Variants in BLVRA observed in about 807,000 individuals in gnomAD.
BLVRA encodes the protein BVR A.
Under a neutral mutation model 32.8 loss-of-function variants are expected in BLVRA, and 22 were observed. That is an observed-to-expected ratio of 0.67 (90% CI 0.48 to 0.96). BLVRA has a LOEUF of 0.96. BLVRA is among the 40% of genes least tolerant of loss of function. BLVRA has a pLI of 0.00. For synonymous variants in BLVRA, 119 were observed against 141.3 expected, an observed-to-expected ratio of 0.84 and a Z score of 1.12; for missense variants, 323 against 358.1, an observed-to-expected ratio of 0.90 and a Z score of 0.79.
chr7:43,800,293 C>T, intron 5 of BLVRA, 172 bp from the exon 6 acceptor site: 3 of 650,596 alleles, frequency 4.6e-6, no homozygotes, highest in Non-Finnish European at 8.4e-6. Flanking sequence ...TTAGAAGTAG[C>T]AGCCTCTTCA....
chr7:43,794,959 C>T (rs1482303413), intron 5 of BLVRA, among the ~76,000 whole-genome samples: 1 of 152,116 alleles, frequency 6.6e-6, no homozygotes, highest in Admixed American at 6.6e-5. Context: ...GCCTGTCATC[C>T]CAGCACTTTG....
In BLVRA at chr7:43,791,269, A is replaced by G. The variant is rs1425746500; in HGVS notation, c.155A>G (p.Asp52Gly). The change falls in exon 4 of 8, where the codon GAT becomes GGT. Residue 52 changes from aspartate to glycine, a missense_variant. Asp to Gly is a moderately conservative substitution (Grantham distance 94). Coordinates refer to ENST00000265523, the MANE Select transcript of BLVRA (RefSeq NM_000712.4). ...AATAGAAGGGAGCTCGGGAGCATTG[A>G]TGGAGTCCAGCAGATTTCTTTGGAG... Reference protein sequence around the residue: ...FVSRRELGSIDGVQQISLEDA... With the variant: ...FVSRRELGSIGGVQQISLEDA... 6.2e-7 allele frequency: 1 copy of G among 1,614,050 alleles called. No individual in the cohort carries two copies. The highest frequency in any genetic ancestry group is 1.3e-5 in the African/African-American group (1 of 74,926).
In BLVRA at chr7:43,767,475, A is replaced by G. The variant is rs2095749496; in HGVS notation, c.-21-3663A>G. ...TCTGGAGGCGCCCTTGGGATATCCA[A>G]TAAGGACAGCTGTTTTTATGCTGCT... On this transcript the variant is annotated intron_variant, in intron 1 of 7. Transcript: ENST00000265523. 7 of 1,384,184 alleles carry G rather than the reference A, an allele frequency of 5.1e-6. No homozygotes were observed. The East Asian group carries it at 9.2e-5, about 18-fold the overall frequency. 85.7% of individuals were successfully genotyped at this position (1,384,184 alleles called of 1,614,324 possible).
intron 5 of BLVRA, among the ~76,000 whole-genome samples, chr7:43,795,580 G>A (rs1369392725): frequency 6.6e-6 from 1 of 152,146 alleles, no homozygotes; most frequent in East Asian, 1.9e-4. Context: ...GAAGTGGATA[G>A]TTGTAAATGC....
chr7:43,771,109 G>A (rs2095754201), intron 1 of BLVRA, 29 bp from the exon 2 acceptor site: 2 of 1,611,852 alleles, frequency 1.2e-6, no homozygotes, highest in Non-Finnish European at 1.7e-6. Context: ...TGCCACCAGG[G>A]ACCTGAACCT....
chr7:43,802,057 G>C (rs766684292), intron 6 of BLVRA, among the ~76,000 whole-genome samples: 1 of 152,044 alleles, frequency 6.6e-6, no homozygotes, highest in Non-Finnish European at 1.5e-5. Flanking sequence ...CAAGAAAATC[G>C]CTTTAACCCA....
At chr7:43,784,972 A>G (rs1003398352) in intron 2 of BLVRA, among the ~76,000 whole-genome samples, 7 of 152,150 alleles carry the variant, frequency 4.6e-5, no homozygotes, top group Admixed American at 4.6e-4. Flanking sequence ...ACCAAATCCT[A>G]AAGCAGTTTA....
Position 43,803,780 on chromosome 7 carries a change from A to G in BLVRA, c.565A>G (p.Thr189Ala), listed in dbSNP as rs2095801296. ...LFGELSLVSATLEERKEDQYM... is the reference protein window; with the variant it reads ...LFGELSLVSAALEERKEDQYM... ...TGGGGAGCTTTCTCTTGTGTCTGCC[A>G]CTTTGGAAGAGCGAAAGGAAGATCA... is the stretch of plus-strand genomic sequence containing the variant. The change falls in exon 7 of 8, where the codon ACT becomes GCT. Residue 189 changes from threonine (T) to alanine (A), a missense_variant. Thr to Ala is a moderately conservative substitution (Grantham distance 58, BLOSUM62 0). Coordinates refer to ENST00000265523, the MANE Select transcript of BLVRA (RefSeq NM_000712.4). 6.2e-7 allele frequency: 1 copy of G among 1,614,016 alleles called. No individual in the cohort carries two copies. Among genetic ancestry groups the G allele is most frequent in the Non-Finnish European group, 8.5e-7 (1 of 1,179,998 alleles).
chr7:43,787,882 A>G lies in BLVRA; in HGVS notation c.13-22A>G, dbSNP rs780514948. ...GATGCCTACAGTGTTTTCAGACTCCACCTTGGTCCCTTGTGTTTCAGCCCG... is the reference window on the plus strand; with the variant it reads ...GATGCCTACAGTGTTTTCAGACTCCGCCTTGGTCCCTTGTGTTTCAGCCCG... On this transcript the variant is annotated intron_variant, in intron 2 of 7. Transcript: ENST00000265523. The surrounding 1 kb of genome is among the most constrained non-coding windows in gnomAD (Gnocchi z 4.5). 1.2e-6 allele frequency: 2 copies of G among 1,613,850 alleles called. No individual in the cohort carries two copies. The highest frequency in any genetic ancestry group is 1.1e-5 in the South Asian group (1 of 91,056).
chr7:43,803,668 T>C lies in BLVRA; in HGVS notation c.461-8T>C. On this transcript the variant is annotated splice_region_variant and splice_polypyrimidine_tract_variant and intron_variant, in intron 6 of 7. Coordinates refer to ENST00000265523, the MANE Select transcript of BLVRA (RefSeq NM_000712.4). ...CCCAGTTCCCACAGCATTTGTGATT[T>C]CCCACAGCTGGCCCGTTGGAAGAAG... The C allele has an allele frequency of 6.2e-7, 1 of 1,613,372 alleles. No individual in the cohort carries two copies. Among genetic ancestry groups the C allele is most frequent in the Non-Finnish European group, 8.5e-7 (1 of 1,179,670 alleles).
intron 5 of BLVRA, among the ~76,000 whole-genome samples, chr7:43,796,053 G>A (rs1015088132): frequency 4.0e-5 from 6 of 150,256 alleles, no homozygotes; most frequent in African/African-American, 1.5e-4. Flanking sequence ...GTGCTGAGGG[G>A]AGGTTGTGGT....
chr7:43,786,987 A>G (rs1157390962), intron 2 of BLVRA, among the ~76,000 whole-genome samples: 2 of 151,822 alleles, frequency 1.3e-5, no homozygotes, highest in East Asian at 1.9e-4. Flanking sequence ...CAGTGGCGCT[A>G]TCTTGGGTCA....
intron 2 of BLVRA, 63 bp downstream of exon 2, chr7:43,771,233 T>A: frequency 6.4e-7 from 1 of 1,563,074 alleles, no homozygotes. Flanking sequence ...CATTTCTCCT[T>A]TGCAGAGTCT....
In BLVRA at chr7:43,787,975, G is replaced by T; in HGVS notation, c.84G>T (p.Arg28=). Residue 28 remains arginine, a synonymous_variant, in exon 3 of 8, where the codon CGG becomes CGT. Transcript: ENST00000265523. The surrounding 1 kb of genome is among the most constrained non-coding windows in gnomAD (Gnocchi z 4.5). ...GCTCCGTGCGGATGAGGGACTTGCGGAATCCACACCCTTCCTCAGCGTTCC... is the reference window on the plus strand; with the variant it reads ...GCTCCGTGCGGATGAGGGACTTGCGTAATCCACACCCTTCCTCAGCGTTCC... The part of the protein sequence containing the change: ...RAGSVRMRDL[R]NPHPSSAFLN... 6.2e-7 allele frequency: 1 copy of T among 1,614,188 alleles called. No homozygotes were observed. Among genetic ancestry groups the T allele is most frequent in the African/African-American group, 1.3e-5 (1 of 75,052 alleles).
rs536968788 is a variant in BLVRA at position 43,792,952 on chromosome 7, C to T, written c.352+140C>T. 2.9e-5 allele frequency: 24 copies of T among 828,810 alleles called. No individual in the cohort carries two copies. The African/African-American group carries it at 3.5e-4, about 12-fold the overall frequency. 51.3% of individuals were successfully genotyped at this position (828,810 alleles called of 1,614,324 possible). On this transcript the variant is annotated intron_variant, in intron 5 of 7. Transcript: ENST00000265523. ...GGGCTCCCAACTGCCTCCTCACCCC[C>T]ACACTGTAAACACAGATAGTGGAGG... is the stretch of plus-strand genomic sequence containing the variant.
At chr7:43,793,857 C>T (rs529674534) in intron 5 of BLVRA, among the ~76,000 whole-genome samples, 8 of 151,630 alleles carry the variant, frequency 5.3e-5, no homozygotes, top group Non-Finnish European at 8.8e-5. Flanking sequence ...CTCCTGACCT[C>T]GCGATCCACC....
chr7:43,767,533 G>A, intron 1 of BLVRA: 1 of 1,140,352 alleles, frequency 8.8e-7, no homozygotes, highest in South Asian at 1.2e-5. Context: ...ATGTGGTGCT[G>A]GCCCTCTTTA....
At chr7:43,780,010 A>G (rs1240671434) in intron 2 of BLVRA, among the ~76,000 whole-genome samples, 1 of 151,858 alleles carries the variant, frequency 6.6e-6, no homozygotes, top group Non-Finnish European at 1.5e-5. Context: ...AGTAGCTGGG[A>G]TTACAGGAGC....
intron 6 of BLVRA, among the ~76,000 whole-genome samples, chr7:43,803,370 GC>G (rs1397986832): frequency 1.3e-5 from 2 of 151,984 alleles, no homozygotes; most frequent in African/African-American, 4.8e-5. Flanking sequence ...TATATTAGAA[GC>G]CTGAAACTTT....
Sources: gnomAD v4.1 joint callset for allele counts (sites outside exome capture counted in the v4.1 genomes callset) on GRCh38, gnomAD v4.1.1 for gene constraint, Gnocchi (gnomAD v3.1) non-coding constraint, MANE v1.5 for transcripts, NCBI Gene and HGNC (gene_info 2026-07-23, HGNC 2026-07-21) for gene names.